C1orf141: variants seen among roughly 807,000 people sequenced by gnomAD.
C1orf141 encodes chromosome 1 open reading frame 141, also known as uncharacterized protein C1orf141.
C1orf141 carries 19 observed loss-of-function variants against 23.2 expected under a neutral mutation model. The observed-to-expected ratio is 0.82, with a 90% CI of 0.57 to 1.20. The LOEUF (loss-of-function observed/expected upper bound fraction) is 1.20, where lower values mean the gene tolerates loss of function less well. Among genes scored for constraint, C1orf141 ranks in the 50% most tolerant of loss-of-function variants. C1orf141 has a pLI of 0.00. For missense variants in C1orf141, 469 were observed against 455.1 expected (o/e 1.03, Z -0.28); for synonymous variants, 153 against 154.6 (o/e 0.99, Z 0.08).
intron 5 of C1orf141, chr1:67,113,713 G>A (rs550459041): frequency 1.8e-5 from 23 of 1,277,588 alleles, no homozygotes; most frequent in East Asian, 1.1e-4. Context: ...ATGAGAATCC[G>A]CTGAAGAGGC....
intron 5 of C1orf141, among the ~76,000 whole-genome samples, chr1:67,102,261 G>A (rs749474435): frequency 6.6e-6 from 1 of 151,926 alleles, no homozygotes; most frequent in Non-Finnish European, 1.5e-5. Context: ...AACTGACAGA[G>A]AGAAAGAGAG....
At chr1:67,110,831 T>A (rs1301501295) in intron 5 of C1orf141, among the ~76,000 whole-genome samples, 1 of 150,706 alleles carries the variant, frequency 6.6e-6, no homozygotes, top group East Asian at 1.9e-4. Flanking sequence ...CTTTTAATAT[T>A]TTTTAAATTA....
intron 5 of C1orf141, among the ~76,000 whole-genome samples, chr1:67,101,028 T>G (rs1645785780): frequency 6.6e-6 from 1 of 152,070 alleles, no homozygotes; most frequent in Non-Finnish European, 1.5e-5. Context: ...ATCTCTCTCT[T>G]TGGGTAAGCA....
chr1:67,136,541 C>A (rs141574348), upstream of C1orf141, among the ~76,000 whole-genome samples: 399 of 152,268 alleles, frequency 2.6e-3, 1 homozygote, highest in African/African-American at 8.5e-3. Flanking sequence ...ACTCATTAAT[C>A]TTCAGTCAAT....
At chr1:67,111,629 T>C in intron 5 of C1orf141, 1 of 1,395,454 alleles carries the variant, frequency 7.2e-7, no homozygotes, top group African/African-American at 1.5e-5. Context: ...TGATTTTAGA[T>C]GTTCTTCTAC....
intron 4 of C1orf141, among the ~76,000 whole-genome samples, chr1:67,116,785 G>A (rs1203745962): frequency 6.6e-6 from 1 of 152,092 alleles, no homozygotes; most frequent in Admixed American, 6.5e-5. Flanking sequence ...TCCTCTGCCT[G>A]TAGTATTCTC....
At chr1:67,140,819 G>A (rs1646630134) in intron 1 of C1orf141, among the ~76,000 whole-genome samples, 1 of 152,036 alleles carries the variant, frequency 6.6e-6, no homozygotes, top group Non-Finnish European at 1.5e-5. Context: ...GATTTATTAT[G>A]TGTCAACAAT....
intron 3 of C1orf141, among the ~76,000 whole-genome samples, chr1:67,126,287 G>A (rs191099623): frequency 1.1e-3 from 170 of 152,236 alleles, no homozygotes; most frequent in Middle Eastern, 6.8e-3. Flanking sequence ...GTAGCCACAC[G>A]CACGATGAAT....
chr1:67,125,929 A>AG lies in C1orf141; in HGVS notation c.76-21_76-20insC. On this transcript the variant is annotated intron_variant, in intron 3 of 7. Coordinates refer to ENST00000684719, the MANE Select transcript of C1orf141 (RefSeq NM_001276351.2). ...GTTTATCTGCAGCAATGCCAAAGTG[A>AG]AAAAAAAAAAAAAAAAAAGAGTACT... 2.7e-5 allele frequency: 2 copies of AG among 75,316 alleles called. No individual in the cohort carries two copies. The highest frequency in any genetic ancestry group is 6.8e-4 in the South Asian group (1 of 1,480). 4.7% of individuals were successfully genotyped at this position (75,316 alleles called of 1,614,324 possible).
Position 67,103,506 on chromosome 1 carries a change from G to T in C1orf141, c.347-7185C>A, listed in dbSNP as rs1645853123. The T allele has an allele frequency of 6.0e-6, 3 of 503,870 alleles. No individual in the cohort carries two copies. The East Asian group carries it at 1.0e-4, about 17-fold the overall frequency. The allele number at this position is 503,870 out of a possible 1,614,324, so 31.2% of individuals were successfully genotyped here. ...AATTATGATAACTAACAGCTGTCTG[G>T]TTCTTTAAATATTTTAAAATGTGAT... On this transcript the variant is annotated intron_variant, in intron 5 of 7. Coordinates refer to ENST00000684719, the MANE Select transcript of C1orf141 (RefSeq NM_001276351.2).
chr1:67,093,375 T>G lies in C1orf141; in HGVS notation c.833A>C (p.Lys278Thr). ...PQKTMPTVQR[K>T]DIQIPMSFKA... ...AAAAGACATAGGGATCTGTATATCT[T>G]TTCTCTGTACTGTAGGCATAGTTTT... Residue 278 changes from lysine (K) to threonine (T), a missense_variant, in exon 8 of 8, where the codon AAA becomes ACA. Transcript: ENST00000684719. 1 of 1,613,912 alleles carries G rather than the reference T, an allele frequency of 6.2e-7. No homozygotes were observed. Among genetic ancestry groups the G allele is most frequent in the East Asian group, 2.2e-5 (1 of 44,852 alleles).
chr1:67,117,888 T>C (rs1646227174), intron 4 of C1orf141, among the ~76,000 whole-genome samples: 1 of 152,250 alleles, frequency 6.6e-6, no homozygotes, highest in African/African-American at 2.4e-5. Context: ...CTTGACTCTA[T>C]GTGAACTTCC....
chr1:67,111,461 A>G, intron 5 of C1orf141: 1 of 453,246 alleles, frequency 2.2e-6, no homozygotes, highest in East Asian at 3.5e-5. Context: ...TTAACATTTT[A>G]TCATTTTGAA....
intron 1 of C1orf141, among the ~76,000 whole-genome samples, chr1:67,132,236 C>T (rs1304477888): frequency 6.6e-6 from 1 of 152,080 alleles, no homozygotes; most frequent in Non-Finnish European, 1.5e-5. Flanking sequence ...AAGAGGTTTA[C>T]TCGCTGGGCG....
chr1:67,118,316 T>C (rs1381179520), intron 4 of C1orf141, among the ~76,000 whole-genome samples: 1 of 152,128 alleles, frequency 6.6e-6, no homozygotes, highest in Admixed American at 6.5e-5. Flanking sequence ...AATATCAGAA[T>C]TGTGAGTCAT....
At chr1:67,139,950 G>A (rs1646620558), upstream of C1orf141, among the ~76,000 whole-genome samples, 1 of 152,124 alleles carries the variant, frequency 6.6e-6, no homozygotes, top group Admixed American at 6.5e-5. Flanking sequence ...GGGATTGGTG[G>A]TTTTATAAGA....
intron 5 of C1orf141, among the ~76,000 whole-genome samples, chr1:67,105,599 A>T (rs1645907361): frequency 6.6e-6 from 1 of 152,022 alleles, no homozygotes; most frequent in African/African-American, 2.4e-5. Flanking sequence ...AAAACCATAG[A>T]CTCTAGACAA....
chr1:67,106,044 A>C (rs904166690), intron 5 of C1orf141, among the ~76,000 whole-genome samples: 12 of 152,126 alleles, frequency 7.9e-5, no homozygotes, highest in African/African-American at 2.9e-4. Context: ...ATGTTTAGAA[A>C]CTCCTGCAAG....
intron 5 of C1orf141, among the ~76,000 whole-genome samples, chr1:67,111,083 G>A (rs1646060096): frequency 6.6e-6 from 1 of 151,784 alleles, no homozygotes; most frequent in African/African-American, 2.4e-5. Flanking sequence ...TCACTCTTCA[G>A]CATGCCCATG....
Sources: allele counts gnomAD v4.1 joint callset (sites outside exome capture counted in the v4.1 genomes callset), GRCh38; gene constraint gnomAD v4.1.1; transcripts MANE v1.5; gene names NCBI Gene and HGNC (gene_info 2026-07-23, HGNC 2026-07-21).